KCNG2: variants seen among roughly 807,000 people sequenced by gnomAD.
The protein encoded by KCNG2 is potassium voltage-gated channel modifier subfamily G member 2.
KCNG2 carries 7 observed loss-of-function variants against 12.3 expected under a neutral mutation model. That is an observed-to-expected ratio of 0.57 (90% CI 0.32 to 1.07). The LOEUF (loss-of-function observed/expected upper bound fraction) is 1.07, where lower values mean the gene tolerates loss of function less well. Ranked by LOEUF, KCNG2 falls within the 50% of genes least tolerant of loss-of-function variation. The pLI, the probability that KCNG2 is intolerant of heterozygous loss-of-function variation, is 0.04. For missense variants in KCNG2, 703 were observed against 726.0 expected, an observed-to-expected ratio of 0.97 and a Z score of 0.36; for synonymous variants, 414 against 351.4, an observed-to-expected ratio of 1.18 and a Z score of -1.99.
intron 3 of KCNG2, among the ~76,000 whole-genome samples, chr18:79,873,887 C>T (rs917988278): frequency 1.2e-4 from 19 of 152,346 alleles, no homozygotes; most frequent in African/African-American, 4.6e-4. Flanking sequence ...GCGCTGGCCT[C>T]GCTGCTGAGG....
rs1222880407 is a variant in KCNG2 at position 79,800,683 on chromosome 18, C to T, written c.-115+2669C>T. Among the ~76,000 whole-genome samples, 2 of 152,232 alleles carry T rather than the reference C, an allele frequency of 1.3e-5. No individual in the cohort carries two copies. Among genetic ancestry groups the T allele is most frequent in the Non-Finnish European group, 2.9e-5 (2 of 68,040 alleles). On this transcript the variant is annotated intron_variant, in intron 1 of 3. Coordinates refer to ENST00000316249, the MANE Select transcript of KCNG2 (RefSeq NM_012283.2). The surrounding 1 kb of genome is among the most constrained non-coding windows in gnomAD (Gnocchi z 4.0). ...GGCAGGAGCCTCAGCAGTTCCTTCC[C>T]CGGGCGGGCGGCGCTGAGCAGACGG...
intron 1 of KCNG2, among the ~76,000 whole-genome samples, chr18:79,830,143 G>C (rs1187471665): frequency 6.6e-6 from 1 of 152,094 alleles, no homozygotes; most frequent in Non-Finnish European, 1.5e-5. Context: ...GGTCCACGGA[G>C]CCCAGTGGAA....
At chr18:79,828,410 G>C (rs544590387) in intron 1 of KCNG2, among the ~76,000 whole-genome samples, 3 of 151,654 alleles carry the variant, frequency 2.0e-5, no homozygotes, top group Non-Finnish European at 4.4e-5. Context: ...ATGTATCAGT[G>C]TGTGCATGTT....
At chr18:79,820,404 T>C (rs1394403287) in intron 1 of KCNG2, among the ~76,000 whole-genome samples, 1 of 152,174 alleles carries the variant, frequency 6.6e-6, no homozygotes, top group African/African-American at 2.4e-5. Context: ...AGCTGAGCCA[T>C]TTTCCCATCG....
At chr18:79,890,551 C>A in intron 3 of KCNG2, among the ~76,000 whole-genome samples, 1 of 152,178 alleles carries the variant, frequency 6.6e-6, no homozygotes, top group East Asian at 1.9e-4. Context: ...CTCGCACTTA[C>A]GAGTGAGAAC....
At chr18:79,894,503 G>A (rs1468790349) in intron 3 of KCNG2, among the ~76,000 whole-genome samples, 7 of 151,908 alleles carry the variant, frequency 4.6e-5, no homozygotes, top group Admixed American at 3.9e-4. Flanking sequence ...GATATAGTTG[G>A]GTCTGTGTCT....
chr18:79,821,374 C>A (rs575675970), intron 1 of KCNG2, among the ~76,000 whole-genome samples: 72 of 148,592 alleles, frequency 4.8e-4, no homozygotes, highest in African/African-American at 1.5e-3. Flanking sequence ...ACGGCAACAT[C>A]TGCCTCCCAG....
At chr18:79,853,758 G>A (rs1286835879) in intron 1 of KCNG2, among the ~76,000 whole-genome samples, 1 of 152,236 alleles carries the variant, frequency 6.6e-6, no homozygotes, top group Non-Finnish European at 1.5e-5. Context: ...CTAGAGGCCA[G>A]GCCCAAAGCC....
chr18:79,863,518 C>T, intron 2 of KCNG2, 110 bp from the exon 3 acceptor site: 1 of 903,258 alleles, frequency 1.1e-6, no homozygotes, highest in Non-Finnish European at 1.4e-6. Context: ...GAGGGGTCTC[C>T]GAGCTCACCT....
chr18:79,806,720 T>C (rs2087452583), intron 1 of KCNG2, among the ~76,000 whole-genome samples: 1 of 152,220 alleles, frequency 6.6e-6, no homozygotes, highest in African/African-American at 2.4e-5. Context: ...CCTCTTTCTC[T>C]CCTTTTTAGT....
At position 79,899,912 on chromosome 18, in the gene KCNG2, G is replaced by C. The variant is rs1981156061; in HGVS notation, c.*96G>C. On this transcript the variant is annotated 3_prime_UTR_variant, in exon 4 of 4. Coordinates refer to ENST00000316249, the MANE Select transcript of KCNG2 (RefSeq NM_012283.2). ...AGGGGTGGGGGGCGTCTGGCCTGGG[G>C]GAGCGGCTCCTGCCGGCCGCGTCCT... is the stretch of plus-strand genomic sequence containing the variant. 24 of 1,160,770 alleles carry C rather than the reference G, an allele frequency of 2.1e-5. No homozygotes were observed. The South Asian group carries it at 7.1e-4, about 34-fold the overall frequency. The allele number at this position is 1,160,770 out of a possible 1,614,324, so 71.9% of individuals were successfully genotyped here.
chr18:79,838,142 C>T (rs1267571814), intron 1 of KCNG2, among the ~76,000 whole-genome samples: 1 of 152,112 alleles, frequency 6.6e-6, no homozygotes, highest in Non-Finnish European at 1.5e-5. Context: ...GGGGAACTGG[C>T]CCATAATCCA....
intron 1 of KCNG2, among the ~76,000 whole-genome samples, chr18:79,819,105 C>T (rs760368921): frequency 1.3e-5 from 2 of 152,226 alleles, no homozygotes; most frequent in Non-Finnish European, 2.9e-5. Context: ...GAGACTCGTT[C>T]CGCAACAGCA....
chr18:79,847,484 G>C (rs146366427), intron 1 of KCNG2, among the ~76,000 whole-genome samples: 3 of 152,180 alleles, frequency 2.0e-5, no homozygotes, highest in Non-Finnish European at 4.4e-5. Flanking sequence ...ATCTTTACCC[G>C]GCAGTGCGGA....
chr18:79,880,293 G>A (rs1980243984), intron 3 of KCNG2, among the ~76,000 whole-genome samples: 1 of 141,588 alleles, frequency 7.1e-6, no homozygotes. Flanking sequence ...CTCCAGCCTG[G>A]GTGACAGAGT....
At chr18:79,847,320 G>A (rs1018372585) in intron 1 of KCNG2, among the ~76,000 whole-genome samples, 1 of 152,164 alleles carries the variant, frequency 6.6e-6, no homozygotes, top group Non-Finnish European at 1.5e-5. Flanking sequence ...GGGCACTGTG[G>A]GTGTTGAACA....
chr18:79,862,208 A>T (rs1309420022), intron 2 of KCNG2, among the ~76,000 whole-genome samples: 1 of 152,214 alleles, frequency 6.6e-6, no homozygotes, highest in Non-Finnish European at 1.5e-5. Context: ...GTTGAAAATG[A>T]AATTTTTAAT....
At chr18:79,869,517 G>A (rs558183355) in intron 3 of KCNG2, among the ~76,000 whole-genome samples, 19 of 152,118 alleles carry the variant, frequency 1.2e-4, no homozygotes, top group Admixed American at 7.2e-4. Context: ...CGGCCCTGGG[G>A]ACCGGAAGGT....
At chr18:79,865,465 G>C (rs1175013574) in intron 3 of KCNG2, among the ~76,000 whole-genome samples, 4 of 135,078 alleles carry the variant, frequency 3.0e-5, no homozygotes, top group African/African-American at 1.1e-4. Context: ...GGTGCTGAGA[G>C]GTCTGGGTAT....
Sources: gnomAD v4.1 joint callset for allele counts (sites outside exome capture counted in the v4.1 genomes callset) on GRCh38, gnomAD v4.1.1 for gene constraint, Gnocchi (gnomAD v3.1) non-coding constraint, MANE v1.5 for transcripts, NCBI Gene and HGNC (gene_info 2026-07-23, HGNC 2026-07-21) for gene names.